RHPN1: variants seen among roughly 807,000 people sequenced by gnomAD.
RHPN1 encodes the protein rhophilin Rho GTPase binding protein 1.
In RHPN1, 77 loss-of-function variants were observed where a neutral mutation model predicts 74.7. That is an observed-to-expected ratio of 1.03 (90% CI 0.86 to 1.25). The LOEUF is 1.25. RHPN1 is among the 50% of genes most tolerant of loss of function. RHPN1 has a pLI of 0.00. For missense variants in RHPN1, 987 were observed against 932.2 expected, an observed-to-expected ratio of 1.06 and a Z score of -0.77; for synonymous variants, 444 against 414.5, an observed-to-expected ratio of 1.07 and a Z score of -0.87.
At chr8:143,380,827 G>A (rs1390967918) in intron 11 of RHPN1, 44 bp downstream of exon 11, 1 of 1,448,692 alleles carries the variant, frequency 6.9e-7, no homozygotes, top group African/African-American at 1.4e-5. Context: ...CCCTGGCCAG[G>A]GTGGGGGCCT....
At chr8:143,368,606 G>C (rs1235515471), upstream of RHPN1, 1 of 162,066 alleles carries the variant, frequency 6.2e-6, no homozygotes, top group East Asian at 1.7e-4. Context: ...CGCACGCTCA[G>C]CGGCCGCCGC....
chr8:143,380,169 C>A lies in RHPN1; in HGVS notation c.1210C>A (p.Gln404Lys). Residue 404 changes from glutamine (Q) to lysine (K), a missense_variant, in exon 10 of 15, where the codon CAG (glutamine) becomes AAG (lysine). Coordinates refer to ENST00000289013, the MANE Select transcript of RHPN1 (RefSeq NM_052924.3). ...VLPQELEERR[Q>K]LGKAHLKRAI... Reference sequence around the variant, plus strand: ...GCCGCAGGAGCTGGAGGAGCGCAGGCAGCTTGGTAAGGCGCCCATGGGTGG... The same window carrying A: ...GCCGCAGGAGCTGGAGGAGCGCAGGAAGCTTGGTAAGGCGCCCATGGGTGG... The A allele has an allele frequency of 1.3e-6, 2 of 1,540,212 alleles. No individual in the cohort carries two copies. Among genetic ancestry groups the A allele is most frequent in the Non-Finnish European group, 1.7e-6 (2 of 1,143,700 alleles).
chr8:143,381,287 A>T lies in RHPN1; in HGVS notation c.1431A>T (p.Pro477=), dbSNP rs1818707160. Residue 477 remains proline, a synonymous_variant, in exon 12 of 15, where the codon CCA becomes CCT. Coordinates refer to ENST00000289013, the MANE Select transcript of RHPN1 (RefSeq NM_052924.3). ...PDIQPKTHQK[P]EARMPRLSQG... The stretch of plus-strand genomic sequence containing the variant: ...TCTCAGCTAAGACCCACCAGAAGCC[A>T]GAGGCCAGGATGCCACGCCTGTCCC... The T allele has an allele frequency of 7.4e-6, 12 of 1,612,994 alleles. No homozygotes were observed. Among genetic ancestry groups the T allele is most frequent in the Non-Finnish European group, 1.0e-5 (12 of 1,179,688 alleles).
At position 143,381,608 on chromosome 8, in the gene RHPN1, C is replaced by A. The variant is rs370418616; in HGVS notation, c.1525C>A (p.Arg509=). 1 of 1,610,002 alleles carries A rather than the reference C, an allele frequency of 6.2e-7. No individual in the cohort carries two copies. The highest frequency in any genetic ancestry group is 1.7e-5 in the Admixed American group (1 of 59,604). The change falls in exon 13 of 15, where the codon CGG becomes AGG. Residue 509 remains arginine, a synonymous_variant. Coordinates refer to ENST00000289013, the MANE Select transcript of RHPN1 (RefSeq NM_052924.3). The part of the protein sequence containing the change: ...LSVFSAKNRW[R]LVGPVHLTRG... ...TGTGTTCTCAGCCAAGAACCGGTGGCGGCTGGTGGGGCCCGTCCACCTGAC... is the reference window on the plus strand; with the variant it reads ...TGTGTTCTCAGCCAAGAACCGGTGGAGGCTGGTGGGGCCCGTCCACCTGAC...
Position 143,379,931 on chromosome 8 carries a change from T to C in RHPN1, c.1048T>C (p.Tyr350His). The C allele has an allele frequency of 6.3e-7, 1 of 1,592,130 alleles. No individual in the cohort carries two copies. ...WTALVHVKAEYFRSLAHYHVA... is the reference protein window; with the variant it reads ...WTALVHVKAEHFRSLAHYHVA... ...TGCCCTGGTGCATGTCAAGGCCGAG[T>C]ACTTCCGCTCCCTGGCCCACTACCA... Residue 350 changes from tyrosine (Y) to histidine (H), a missense_variant, in exon 9 of 15, where the codon TAC becomes CAC. Physicochemically the swap from Tyr to His is moderately conservative, Grantham distance 83. Coordinates refer to ENST00000289013, the MANE Select transcript of RHPN1 (RefSeq NM_052924.3).
chr8:143,380,510 G>A (rs939658055), intron 10 of RHPN1, 79 bp from the exon 11 acceptor site: 1 of 1,311,910 alleles, frequency 7.6e-7, no homozygotes, highest in Non-Finnish European at 1.0e-6. Flanking sequence ...CCACAGCCCT[G>A]GCGTTGCCCA....
In RHPN1 at chr8:143,382,598, G is replaced by A. The variant is rs1586837594; in HGVS notation, c.1960G>A (p.Ala654Thr). The part of the protein sequence containing the change: ...GKTGGCPQPC[A>T]PVKPAPPSSL... ...GACTGGAGGCTGCCCCCAGCCCTGT[G>A]CCCCAGTGAAGCCAGCTCCGCCCTC... The change falls in exon 15 of 15, where the codon GCC becomes ACC. Residue 654 changes from alanine (A) to threonine (T), a missense_variant. By Grantham distance (58) the Ala-to-Thr change is moderately conservative (BLOSUM62 0). Coordinates refer to ENST00000289013, the MANE Select transcript of RHPN1 (RefSeq NM_052924.3). 6.2e-7 allele frequency: 1 copy of A among 1,611,012 alleles called. No individual in the cohort carries two copies. Among genetic ancestry groups the A allele is most frequent in the Non-Finnish European group, 8.5e-7 (1 of 1,179,734 alleles).
intron 1 of RHPN1, among the ~76,000 whole-genome samples, chr8:143,370,109 G>A (rs937671085): frequency 2.4e-4 from 37 of 152,336 alleles, no homozygotes; most frequent in African/African-American, 7.5e-4. Flanking sequence ...GGCCTGGGAC[G>A]GCACATGTTG....
intron 3 of RHPN1, among the ~76,000 whole-genome samples, 183 bp from the exon 4 acceptor site, chr8:143,377,197 G>A (rs575516986): frequency 7.9e-5 from 12 of 152,316 alleles, no homozygotes; most frequent in Admixed American, 2.0e-4. Context: ...TTTGCTTTTG[G>A]GGCGGTTTAG....
Position 143,383,117 on chromosome 8 carries a change from G to C in RHPN1, c.*466G>C. 4.9e-6 allele frequency: 1 copy of C among 206,070 alleles called. No homozygotes were observed. The highest frequency in any genetic ancestry group is 5.4e-5 in the Admixed American group (1 of 18,476). 12.8% of individuals were successfully genotyped at this position (206,070 alleles called of 1,614,324 possible). On this transcript the variant is annotated 3_prime_UTR_variant, in exon 15 of 15. Transcript: ENST00000289013. Reference sequence around the variant, plus strand: ...GCCAGACACACCCACAGCACCCGCAGACCTCTAGGCCGGGTCCCAGACATG... The same window carrying C: ...GCCAGACACACCCACAGCACCCGCACACCTCTAGGCCGGGTCCCAGACATG...
chr8:143,378,356 T>TCGGGGGGGGGGGGGGGC lies in RHPN1; in HGVS notation c.459+11_459+12insGGGGGGGGGGGGGGGCC. The TCGGGGGGGGGGGGGGGC allele has an allele frequency of 6.6e-6, 10 of 1,525,400 alleles. No homozygotes were observed. Among genetic ancestry groups the TCGGGGGGGGGGGGGGGC allele is most frequent in the Non-Finnish European group, 8.8e-6 (10 of 1,136,312 alleles). The allele number at this position is 1,525,400 out of a possible 1,614,324, so 94.5% of individuals were successfully genotyped here. A position where few individuals can be genotyped will look rare whatever the true frequency, so the allele number is the denominator to read the frequency against. ...GGAGGCCCTGCGGCAGGTGTGTGGT[T>TCGGGGGGGGGGGGGGGC]CCCCCGCCCACCCACCCTCCTGCAG... On this transcript the variant is annotated intron_variant, in intron 5 of 14. Coordinates refer to ENST00000289013, the MANE Select transcript of RHPN1 (RefSeq NM_052924.3).
chr8:143,378,487 T>C (rs1818445509), intron 5 of RHPN1, 141 bp downstream of exon 5: 2 of 993,120 alleles, frequency 2.0e-6, no homozygotes, highest in South Asian at 1.6e-5. Flanking sequence ...AGGGGCCCTG[T>C]GTGTCCAGAC....
chr8:143,378,686 T>TG lies in RHPN1; in HGVS notation c.460-9dup. ...CAGGGCGGTGGGGCCCAGTGGCTCC[T>TG]GCCCTGCAGGCCATGCGGACCCCCA... On this transcript the variant is annotated splice_polypyrimidine_tract_variant and intron_variant, in intron 5 of 14. Coordinates refer to ENST00000289013, the MANE Select transcript of RHPN1 (RefSeq NM_052924.3). The TG allele has an allele frequency of 1.3e-6, 2 of 1,592,424 alleles. No homozygotes were observed. Among genetic ancestry groups the TG allele is most frequent in the South Asian group, 2.3e-5 (2 of 87,896 alleles).
intron 12 of RHPN1, 36 bp downstream of exon 12, chr8:143,381,380 G>C (rs1231201947): frequency 6.4e-7 from 1 of 1,569,502 alleles, no homozygotes; most frequent in South Asian, 1.2e-5. Context: ...GCCCAGCATG[G>C]GCAGCTTGGG....
At chr8:143,371,137 G>A (rs930097299) in intron 1 of RHPN1, among the ~76,000 whole-genome samples, 3 of 152,180 alleles carry the variant, frequency 2.0e-5, no homozygotes, top group Admixed American at 2.0e-4. Flanking sequence ...GAGAGTGGGA[G>A]TCCCTGCCGT....
intron 1 of RHPN1, among the ~76,000 whole-genome samples, chr8:143,369,664 G>A (rs1267182594): frequency 6.6e-6 from 1 of 152,208 alleles, no homozygotes; most frequent in South Asian, 2.1e-4. Flanking sequence ...TGTGGGCCTT[G>A]CTCTGCAGCC....
intron 3 of RHPN1, 80 bp downstream of exon 3, chr8:143,376,733 G>T: frequency 7.0e-7 from 1 of 1,433,908 alleles, no homozygotes; most frequent in Non-Finnish European, 9.5e-7. Flanking sequence ...GTGCACGCAT[G>T]TGTGTCTCTG....
chr8:143,368,650 C>G (rs965975421), upstream of RHPN1: 2 of 191,260 alleles, frequency 1.0e-5, no homozygotes, highest in South Asian at 3.8e-4. Flanking sequence ...CAGCCAGCCG[C>G]GGGCGTTCCG....
Position 143,378,362 on chromosome 8 carries a change from G to GCC in RHPN1, c.459+18_459+19dup. The GCC allele has an allele frequency of 7.2e-7, 1 of 1,386,118 alleles. No individual in the cohort carries two copies. Among genetic ancestry groups the GCC allele is most frequent in the Non-Finnish European group, 9.4e-7 (1 of 1,058,220 alleles). 85.9% of individuals were successfully genotyped at this position (1,386,118 alleles called of 1,614,324 possible). A position where few individuals can be genotyped will look rare whatever the true frequency, so the allele number is the denominator to read the frequency against. On this transcript the variant is annotated intron_variant, in intron 5 of 14. Coordinates refer to ENST00000289013, the MANE Select transcript of RHPN1 (RefSeq NM_052924.3). ...CCTGCGGCAGGTGTGTGGTTCCCCC[G>GCC]CCCACCCACCCTCCTGCAGCCCTGG...
Sources: gnomAD v4.1 joint callset for allele counts (sites outside exome capture counted in the v4.1 genomes callset) on GRCh38, gnomAD v4.1.1 for gene constraint, MANE v1.5 for transcripts, NCBI Gene and HGNC (gene_info 2026-07-23, HGNC 2026-07-21) for gene names.